Variants in MTSS2 observed in about 807,000 individuals in gnomAD.
MTSS2 encodes MTSS I-BAR domain containing 2, also known as protein MTSS 2.
A neutral mutation model predicts 67.1 loss-of-function variants in MTSS2; 27 were observed. That is an observed-to-expected ratio of 0.40 (90% CI 0.30 to 0.55). MTSS2 has a LOEUF of 0.55. MTSS2 is among the 20% of genes least tolerant of loss of function. MTSS2 has a pLI of 0.43. For synonymous variants in MTSS2, 624 were observed against 468.6 expected, an observed-to-expected ratio of 1.33 and a Z score of -4.28; for missense variants, 1,171 against 1,067.8, an observed-to-expected ratio of 1.10 and a Z score of -1.35.
chr16:70,676,702 G>GT, intron 10 of MTSS2, among the ~76,000 whole-genome samples, 179 bp downstream of exon 10: 1 of 152,354 alleles, frequency 6.6e-6, no homozygotes, highest in East Asian at 1.9e-4. Context: ...GCCTGTGCCA[G>GT]TAGCAGTCTT....
chr16:70,663,024 A>AC lies in MTSS2; in HGVS notation c.*652dup, dbSNP rs3833972. ...TGGGAGCCACCACAGGGCCCCCAAGACCCCCCCCCCCAAGCAGCCCCTGGT... is the reference window on the plus strand; with the variant it reads ...TGGGAGCCACCACAGGGCCCCCAAGACCCCCCCCCCCCAAGCAGCCCCTGGT... On this transcript the variant is annotated 3_prime_UTR_variant, in exon 15 of 15. Coordinates refer to ENST00000338779, the MANE Select transcript of MTSS2 (RefSeq NM_138383.3). 46,282 of 124,864 alleles carry AC rather than the reference A, an allele frequency of 0.37. 8,849 individuals carry two copies. Among genetic ancestry groups the AC allele is most frequent in the Non-Finnish European group, 0.49 (28,949 of 58,644 alleles). 7.7% of individuals were successfully genotyped at this position (124,864 alleles called of 1,614,324 possible). A position where few individuals can be genotyped will look rare whatever the true frequency, so the allele number is the denominator to read the frequency against.
At position 70,680,059 on chromosome 16, in the gene MTSS2, G is replaced by A. The variant is rs761946021; in HGVS notation, c.206-4C>T. ...GAGCCGATGTCCCTCGTGGCCCCTG[G>A]CGAGGCAAGCGCGGGGTGGGAAGGG... On this transcript the variant is annotated splice_polypyrimidine_tract_variant and splice_region_variant and intron_variant, in intron 3 of 14. Coordinates refer to ENST00000338779, the MANE Select transcript of MTSS2 (RefSeq NM_138383.3). The A allele has an allele frequency of 1.0e-4, 158 of 1,511,992 alleles. No individual in the cohort carries two copies. Among genetic ancestry groups the A allele is most frequent in the Middle Eastern group, 2.3e-4 (1 of 4,262 alleles). The allele number at this position is 1,511,992 out of a possible 1,614,324, so 93.7% of individuals were successfully genotyped here. A position where few individuals can be genotyped will look rare whatever the true frequency, so the allele number is the denominator to read the frequency against.
In MTSS2 at chr16:70,664,188, AGGGCGCGGCGCACGGT is replaced by A; in HGVS notation, c.1717_1732del (p.Thr573CysfsTer16). ...GATGGGGATGGGGCCAGCGCTGGACAGGGCGCGGCGCACGGTGGGCTTGGTGGAGGGTGTGCGGCGG... is the reference window on the plus strand; with the variant it reads ...GATGGGGATGGGGCCAGCGCTGGACAGGGCTTGGTGGAGGGTGTGCGGCGG... On this transcript the variant is annotated frameshift_variant, in exon 15 of 15. Transcript: ENST00000338779. LOFTEE classifies it low-confidence loss of function (END_TRUNC). 1 of 1,599,816 alleles carries A rather than the reference AGGGCGCGGCGCACGGT, an allele frequency of 6.3e-7. No individual in the cohort carries two copies. Among genetic ancestry groups the A allele is most frequent in the Non-Finnish European group, 8.5e-7 (1 of 1,176,984 alleles).
At position 70,674,388 on chromosome 16, in the gene MTSS2, G is replaced by A; in HGVS notation, c.971C>T (p.Ser324Phe). ...GGAGACGAAGCCAGAGTCATGGGAGGAAACGCTGGAGAGGCGAGCGGTGGT... is the reference window on the plus strand; with the variant it reads ...GGAGACGAAGCCAGAGTCATGGGAGAAAACGCTGGAGAGGCGAGCGGTGGT... ...ATTTARLSSV[S>F]SHDSGFVSQD... is the part of the protein sequence containing the mutation. Residue 324 changes from serine (S) to phenylalanine (F), a missense_variant, in exon 11 of 15, where the codon TCC becomes TTC. Transcript: ENST00000338779. The A allele has an allele frequency of 6.2e-7, 1 of 1,614,194 alleles. No homozygotes were observed. Among genetic ancestry groups the A allele is most frequent in the Non-Finnish European group, 8.5e-7 (1 of 1,180,026 alleles).
intron 11 of MTSS2, among the ~76,000 whole-genome samples, chr16:70,672,341 C>CAAAAAAAAAAAAA (rs11297993): frequency 2.5e-5 from 2 of 80,906 alleles, no homozygotes; most frequent in African/African-American, 5.2e-5. Context: ...GAGCAAAATT[C>CAAAAAAAAAAAAA]AAAAAAAAAA....
chr16:70,672,947 G>A (rs781202558), intron 11 of MTSS2, among the ~76,000 whole-genome samples: 2 of 152,144 alleles, frequency 1.3e-5, no homozygotes, highest in Non-Finnish European at 2.9e-5. Context: ...GATCCCTTGA[G>A]CCCAGGAGTT....
intron 12 of MTSS2, 115 bp downstream of exon 12, chr16:70,665,351 T>C: frequency 8.7e-7 from 1 of 1,153,464 alleles, no homozygotes; most frequent in Admixed American, 2.3e-5. Context: ...AGGTGCTGTG[T>C]GCACGCACCC....
In MTSS2 at chr16:70,661,749, C is replaced by T. The variant is rs886366697; in HGVS notation, c.*1928G>A. On this transcript the variant is annotated 3_prime_UTR_variant, in exon 15 of 15. Coordinates refer to ENST00000338779, the MANE Select transcript of MTSS2 (RefSeq NM_138383.3). ...TCGGTGGGGGCTGTGCCACACGAGC[C>T]CCCCTCTCTGGGTAGCCCCTGCCTC... The T allele has an allele frequency of 4.8e-6, 1 of 207,916 alleles. No homozygotes were observed. Among genetic ancestry groups the T allele is most frequent in the Non-Finnish European group, 9.7e-6 (1 of 102,606 alleles). 12.9% of individuals were successfully genotyped at this position (207,916 alleles called of 1,614,324 possible). A position where few individuals can be genotyped will look rare whatever the true frequency, so the allele number is the denominator to read the frequency against.
chr16:70,671,099 G>A (rs1049127736), intron 11 of MTSS2, among the ~76,000 whole-genome samples: 21 of 151,712 alleles, frequency 1.4e-4, no homozygotes, highest in Admixed American at 9.9e-4. Flanking sequence ...TCTTGTTCTC[G>A]GTGTGTTTAG....
chr16:70,678,839 C>T (rs766106473), intron 7 of MTSS2, among the ~76,000 whole-genome samples: 2 of 152,044 alleles, frequency 1.3e-5, no homozygotes, highest in East Asian at 1.9e-4. Context: ...CCACAGGGGG[C>T]GGGGGCCAGG....
At chr16:70,666,991 G>C (rs2052737778) in intron 11 of MTSS2, among the ~76,000 whole-genome samples, 1 of 152,142 alleles carries the variant, frequency 6.6e-6, no homozygotes, top group African/African-American at 2.4e-5. Flanking sequence ...AGAAAAGAAA[G>C]AAGGCCAAGT....
chr16:70,665,833 G>A (rs1221073350), intron 11 of MTSS2: 4 of 295,830 alleles, frequency 1.4e-5, no homozygotes, highest in African/African-American at 2.2e-5. Context: ...TGGCCACCGA[G>A]GGGAAAAAGA....
chr16:70,661,930 A>C lies in MTSS2; in HGVS notation c.*1747T>G, dbSNP rs149982033. The C allele has an allele frequency of 1.9e-3, 293 of 153,562 alleles. 8 individuals are homozygous for C. In the East Asian group the frequency reaches 0.05, roughly 26 times the overall value. The allele number at this position is 153,562 out of a possible 1,614,324, so 9.5% of individuals were successfully genotyped here. A position where few individuals can be genotyped will look rare whatever the true frequency, so the allele number is the denominator to read the frequency against. Reference sequence around the variant, plus strand: ...CGGAAATTCTACCCAAGACTCCCCAAATAATTGGTCACCTGCTCTCCTGGC... The same window carrying C: ...CGGAAATTCTACCCAAGACTCCCCACATAATTGGTCACCTGCTCTCCTGGC... On this transcript the variant is annotated 3_prime_UTR_variant, in exon 15 of 15. Transcript: ENST00000338779.
intron 11 of MTSS2, among the ~76,000 whole-genome samples, chr16:70,667,357 A>T (rs1357356854): frequency 6.6e-6 from 1 of 151,464 alleles, no homozygotes; most frequent in Non-Finnish European, 1.5e-5. Context: ...GAATCTACAA[A>T]TTATTAGAAT....
At position 70,676,900 on chromosome 16, in the gene MTSS2, G is replaced by A. The variant is rs761434425; in HGVS notation, c.811C>T (p.Arg271Trp). ...PPSSPSSSSSRKSSMCSAPSS... is the reference protein window; with the variant it reads ...PPSSPSSSSSWKSSMCSAPSS... ...ACTGACCTGCACATGCTGGACTTCCGGGAGCTGGAGCTGCTGGGTGATGAG... is the reference window on the plus strand; with the variant it reads ...ACTGACCTGCACATGCTGGACTTCCAGGAGCTGGAGCTGCTGGGTGATGAG... The change falls in exon 10 of 15, where the codon CGG becomes TGG. Residue 271 changes from arginine to tryptophan, a missense_variant. This residue lies in a region of MTSS2 where 924 missense variants were observed against 756.0 expected (regional missense o/e 1.22). Transcript: ENST00000338779. 16 of 1,613,438 alleles carry A rather than the reference G, an allele frequency of 9.9e-6. No individual in the cohort carries two copies. The highest frequency in any genetic ancestry group is 1.4e-5 in the Non-Finnish European group (16 of 1,179,970).
intron 11 of MTSS2, among the ~76,000 whole-genome samples, chr16:70,673,513 C>T (rs556270142): frequency 6.6e-6 from 1 of 152,146 alleles, no homozygotes; most frequent in African/African-American, 2.4e-5. Flanking sequence ...GACAAACAAA[C>T]AAAAACTGAG....
intron 5 of MTSS2, 35 bp downstream of exon 5, chr16:70,679,751 G>T (rs76602679): frequency 3.1e-5 from 50 of 1,608,882 alleles, no homozygotes; most frequent in Admixed American, 2.5e-4. Flanking sequence ...CCTGCGGAGT[G>T]GGGGGTGGGA....
At chr16:70,666,509 G>A (rs1164037080) in intron 11 of MTSS2, among the ~76,000 whole-genome samples, 7 of 152,228 alleles carry the variant, frequency 4.6e-5, no homozygotes, top group Admixed American at 3.9e-4. Flanking sequence ...CAGTGGGGAC[G>A]TGGATCACGG....
chr16:70,664,003 G>T lies in MTSS2; in HGVS notation c.1918C>A (p.Leu640Met). The T allele has an allele frequency of 6.3e-7, 1 of 1,599,164 alleles. No homozygotes were observed. The highest frequency in any genetic ancestry group is 8.5e-7 in the Non-Finnish European group (1 of 1,173,966). ...GGGCTGCCCCAGGCTGTGTTGGGCA[G>T]GCTGAGCCTCTTTGGGGAGGCCTTG... ...LAKASPKRLSLPNTAWGSPSP... is the reference protein window; with the variant it reads ...LAKASPKRLSMPNTAWGSPSP... Residue 640 changes from leucine (L) to methionine (M), a missense_variant, in exon 15 of 15, where the codon CTG becomes ATG. Transcript: ENST00000338779.
Sources: allele counts gnomAD v4.1 joint callset (sites outside exome capture counted in the v4.1 genomes callset), GRCh38; gene constraint gnomAD v4.1.1; regional missense constraint gnomAD v4.1.1; transcripts MANE v1.5; gene names NCBI Gene and HGNC (gene_info 2026-07-23, HGNC 2026-07-21).